The following DCAF6 variants were observed in gnomAD, a reference collection of about 807,000 sequenced individuals.
The protein encoded by DCAF6 is DDB1- and CUL4-associated factor 6.
A neutral mutation model predicts 125.1 loss-of-function variants in DCAF6; 54 were observed. That is an observed-to-expected ratio of 0.43 (90% CI 0.35 to 0.54). The LOEUF (loss-of-function observed/expected upper bound fraction) is 0.54. DCAF6 is among the 20% of genes least tolerant of loss of function. The pLI is 0.01. For missense variants in DCAF6, 934 were observed against 1,161.7 expected, an observed-to-expected ratio of 0.80 and a Z score of 2.85; for synonymous variants, 371 against 390.4, an observed-to-expected ratio of 0.95 and a Z score of 0.58.
At chr1:167,868,741 CATAG>C in the DCAF6 span, among the ~76,000 whole-genome samples, 3 of 152,174 alleles carry the variant, frequency 2.0e-5, no homozygotes, top group Non-Finnish European at 4.4e-5. Flanking sequence ...GAAACATAGC[CATAG>C]ATAATTAAAA....
At position 167,936,932 on chromosome 1, in the gene DCAF6, C is replaced by T; in HGVS notation, c.21C>T (p.Tyr7=). MSRGGS[Y]PHLLWDVRKR... ...GAGCCATGTCTCGGGGTGGCTCCTA[C>T]CCACACCTGTTGTGGGACGTGAGGA... The change falls in exon 1 of 22, where the codon TAC becomes TAT. Residue 7 remains tyrosine (Y), a synonymous_variant. Transcript: ENST00000367840. The T allele has an allele frequency of 5.0e-6, 8 of 1,607,842 alleles. No homozygotes were observed. Among genetic ancestry groups the T allele is most frequent in the Middle Eastern group, 1.9e-4 (1 of 5,328 alleles).
chr1:167,973,274 G>A (rs1677618825), intron 3 of DCAF6, among the ~76,000 whole-genome samples: 1 of 152,090 alleles, frequency 6.6e-6, no homozygotes, highest in African/African-American at 2.4e-5. Flanking sequence ...AAACATTTTT[G>A]GTGAGAATTC....
At chr1:168,061,534 A>G (rs1691595010) in intron 17 of DCAF6, among the ~76,000 whole-genome samples, 1 of 152,128 alleles carries the variant, frequency 6.6e-6, no homozygotes, top group South Asian at 2.1e-4. Flanking sequence ...TGGATCATTC[A>G]TACCCTTTTT....
the DCAF6 span, chr1:167,901,691 T>C: frequency 6.2e-7 from 1 of 1,614,192 alleles, no homozygotes; most frequent in Admixed American, 1.7e-5. Context: ...TAGGCCTTCT[T>C]CCCACTCCTG....
At chr1:167,902,856 T>C in the DCAF6 span, among the ~76,000 whole-genome samples, 1 of 152,254 alleles carries the variant, frequency 6.6e-6, no homozygotes, top group Non-Finnish European at 1.5e-5. Context: ...TCAGCATCCA[T>C]CATTAGGAGA....
At position 168,013,232 on chromosome 1, in the gene DCAF6, A is replaced by G. The variant is rs542342049; in HGVS notation, c.1379-2549A>G. Among the ~76,000 whole-genome samples the G allele has an allele frequency of 2.6e-5, 4 of 152,326 alleles. No homozygotes were observed. In the East Asian group the frequency reaches 7.7e-4, roughly 29 times the overall value. On this transcript the variant is annotated intron_variant, in intron 10 of 21. Transcript: ENST00000367840. ...ATGAATACTACCCTATTGGTACTGG[A>G]TCATTTTCTAGGAAGAACTAACAGT...
chr1:168,038,251 A>T (rs1360669589), intron 12 of DCAF6, 120 bp from the exon 13 acceptor site: 3 of 710,254 alleles, frequency 4.2e-6, no homozygotes, highest in Non-Finnish European at 7.1e-6. Flanking sequence ...GAAACCCATA[A>T]CAGATGTGAA....
chr1:167,935,259 G>C (rs900780554), upstream of DCAF6, among the ~76,000 whole-genome samples: 7 of 152,236 alleles, frequency 4.6e-5, no homozygotes, highest in African/African-American at 1.2e-4. Context: ...CATGCAGTTT[G>C]GGGGAGGGCT....
At position 168,038,096 on chromosome 1, in the gene DCAF6, T is replaced by G. The variant is rs566187463; in HGVS notation, c.1610-275T>G. On this transcript the variant is annotated intron_variant, in intron 12 of 21. Transcript: ENST00000367840. ...TCATTGCATGTTAATACTTTTTGAT[T>G]CCCCTAATGACTAAATATGGTTCTC... is the stretch of plus-strand genomic sequence containing the variant. 3.3e-5 allele frequency among the ~76,000 whole-genome samples: 5 copies of G among 152,292 alleles called. No homozygotes were observed. The South Asian group carries it at 8.3e-4, about 25-fold the overall frequency.
At chr1:167,886,735 GA>G in the DCAF6 span, among the ~76,000 whole-genome samples, 1 of 152,054 alleles carries the variant, frequency 6.6e-6, no homozygotes, top group Non-Finnish European at 1.5e-5. Context: ...AACAGCAAAA[GA>G]AATCATCAGA....
chr1:168,051,369 T>C (rs1689916961), intron 17 of DCAF6, among the ~76,000 whole-genome samples: 1 of 152,352 alleles, frequency 6.6e-6, no homozygotes, highest in Non-Finnish European at 1.5e-5. Flanking sequence ...AATCTGTGTA[T>C]AGGTTTCTGA....
In DCAF6 at chr1:167,959,311, G is replaced by T. The variant is rs114021049; in HGVS notation, c.160-7318G>T. ...ACATCTTGGGTGCTTCCAAAAATTGGCAGTTATGAGTAAAGTTGCCATAAA... is the reference window on the plus strand; with the variant it reads ...ACATCTTGGGTGCTTCCAAAAATTGTCAGTTATGAGTAAAGTTGCCATAAA... On this transcript the variant is annotated intron_variant, in intron 2 of 21. Coordinates refer to ENST00000367840, the MANE Select transcript of DCAF6 (RefSeq NM_001198956.2). 3.0e-3 allele frequency among the ~76,000 whole-genome samples: 457 copies of T among 152,220 alleles called. 4 individuals carry two copies. The highest frequency in any genetic ancestry group is 0.011 in the African/African-American group (443 of 41,532).
intron 11 of DCAF6, among the ~76,000 whole-genome samples, chr1:168,022,668 T>TTG (rs1685812223): frequency 6.9e-6 from 1 of 145,486 alleles, no homozygotes; most frequent in Admixed American, 6.6e-5. Flanking sequence ...GCAAGGAGTC[T>TTG]TGTGTAGTGA....
At chr1:167,906,219 T>G in the DCAF6 span, among the ~76,000 whole-genome samples, 1 of 152,050 alleles carries the variant, frequency 6.6e-6, no homozygotes, top group Non-Finnish European at 1.5e-5. Context: ...AACTTTAAAA[T>G]GTATATAGTA....
chr1:168,066,502 C>A, intron 20 of DCAF6, 37 bp downstream of exon 20: 3 of 1,348,604 alleles, frequency 2.2e-6, no homozygotes, highest in South Asian at 1.3e-5. Flanking sequence ...GACCATATTT[C>A]AATTTGTTCC....
At chr1:167,902,297 G>A in the DCAF6 span, among the ~76,000 whole-genome samples, 1 of 152,204 alleles carries the variant, frequency 6.6e-6, no homozygotes, top group African/African-American at 2.4e-5. Context: ...GGAAAGACAG[G>A]AGAAAGGCAG....
chr1:168,060,456 G>T (rs181473525), intron 17 of DCAF6, among the ~76,000 whole-genome samples: 1 of 152,288 alleles, frequency 6.6e-6, no homozygotes, highest in Non-Finnish European at 1.5e-5. Flanking sequence ...AAGTAGCTGG[G>T]ATTACTGGGG....
intron 15 of DCAF6, 85 bp downstream of exon 15, chr1:168,044,756 T>C (rs1688953762): frequency 4.3e-6 from 6 of 1,408,104 alleles, no homozygotes; most frequent in South Asian, 3.7e-5. Context: ...TTAGAGGCCA[T>C]GTTCAAGTGT....
chr1:168,075,219 G>A (rs1455560536), intron 21 of DCAF6, 152 bp from the exon 22 acceptor site: 7 of 645,776 alleles, frequency 1.1e-5, no homozygotes, highest in Non-Finnish European at 1.8e-5. Context: ...ATAATACTGT[G>A]TTTTCTTTAC....
Sources: gnomAD v4.1 joint callset for allele counts (sites outside exome capture counted in the v4.1 genomes callset) on GRCh38, gnomAD v4.1.1 for gene constraint, MANE v1.5 for transcripts, NCBI Gene and HGNC (gene_info 2026-07-23, HGNC 2026-07-21) for gene names.